Variants in AK5 observed in about 807,000 individuals in gnomAD.
AK5 encodes adenylate kinase isoenzyme 5.
AK5 carries 27 observed loss-of-function variants against 69.5 expected under a neutral mutation model. That is an observed-to-expected ratio of 0.39 (90% confidence interval 0.29 to 0.54). The LOEUF (loss-of-function observed/expected upper bound fraction) is 0.54, where lower values mean the gene tolerates loss of function less well. Ranked by LOEUF, AK5 falls within the 20% of genes least tolerant of loss-of-function variation. The pLI is 0.71. For synonymous variants in AK5, 260 were observed against 244.4 expected, an observed-to-expected ratio of 1.06 and a Z score of -0.60; for missense variants, 531 against 700.4, an observed-to-expected ratio of 0.76 and a Z score of 2.73.
At chr1:77,312,634 A>C (rs1228126460) in intron 5 of AK5, among the ~76,000 whole-genome samples, 1 of 151,844 alleles carries the variant, frequency 6.6e-6, no homozygotes, top group African/African-American at 2.4e-5. Context: ...AAAAAACAAA[A>C]AGTCCCTTAA....
At chr1:77,558,531 G>A (rs1570366338) in intron 13 of AK5, 71 bp from the exon 14 acceptor site, 1 of 975,282 alleles carries the variant, frequency 1.0e-6, no homozygotes, top group Non-Finnish European at 1.6e-6. Flanking sequence ...GCAAGTGATA[G>A]TGTTCTTTCA....
intron 6 of AK5, 88 bp downstream of exon 6, chr1:77,340,656 T>G: frequency 7.7e-7 from 1 of 1,290,392 alleles, no homozygotes; most frequent in Non-Finnish European, 1.1e-6. Flanking sequence ...AAATCCTCTT[T>G]ACCTTAAAAA....
At chr1:77,495,433 C>T (rs572583414) in intron 10 of AK5, among the ~76,000 whole-genome samples, 24 of 152,256 alleles carry the variant, frequency 1.6e-4, no homozygotes, top group African/African-American at 5.3e-4. Context: ...AGGTCAAATA[C>T]GATAGCAAGT....
intron 6 of AK5, among the ~76,000 whole-genome samples, chr1:77,378,894 A>G (rs894438221): frequency 3.9e-5 from 6 of 152,192 alleles, no homozygotes; most frequent in Admixed American, 1.3e-4. Flanking sequence ...AAGAGGTAAA[A>G]TAAACAGTAT....
intron 8 of AK5, among the ~76,000 whole-genome samples, chr1:77,438,793 G>A (rs761235219): frequency 1.3e-5 from 2 of 152,080 alleles, no homozygotes; most frequent in African/African-American, 4.8e-5. Flanking sequence ...CAAAGTACAC[G>A]TTCTATAAAA....
At chr1:77,329,992 A>G (rs762070330) in intron 5 of AK5, among the ~76,000 whole-genome samples, 1 of 152,226 alleles carries the variant, frequency 6.6e-6, no homozygotes, top group Non-Finnish European at 1.5e-5. Context: ...AAAGATGAGC[A>G]GCAGACAGAA....
intron 8 of AK5, among the ~76,000 whole-genome samples, chr1:77,457,994 C>G (rs1653601472): frequency 6.6e-6 from 1 of 151,348 alleles, no homozygotes; most frequent in African/African-American, 2.4e-5. Flanking sequence ...CCCAGCTACT[C>G]AAGAGGCTGA....
At chr1:77,345,686 T>C (rs1453085920) in intron 6 of AK5, among the ~76,000 whole-genome samples, 1 of 152,224 alleles carries the variant, frequency 6.6e-6, no homozygotes, top group Admixed American at 6.5e-5. Flanking sequence ...CATTGTTTAT[T>C]ACCAGACATT....
chr1:77,408,208 C>G (rs1649786680), intron 6 of AK5, among the ~76,000 whole-genome samples: 1 of 152,166 alleles, frequency 6.6e-6, no homozygotes, highest in Non-Finnish European at 1.5e-5. Context: ...GAGAAATCTC[C>G]AAACTGCATT....
chr1:77,503,455 A>T (rs1344169935), intron 10 of AK5, among the ~76,000 whole-genome samples: 1 of 152,194 alleles, frequency 6.6e-6, no homozygotes, highest in Non-Finnish European at 1.5e-5. Flanking sequence ...AGTTTTTTCC[A>T]TGCTTTTGGA....
At chr1:77,536,422 C>T (rs1190095607) in intron 13 of AK5, among the ~76,000 whole-genome samples, 6 of 152,174 alleles carry the variant, frequency 3.9e-5, no homozygotes, top group African/African-American at 1.2e-4. Context: ...CCACTACACT[C>T]CAGCCTGGGC....
At chr1:77,396,773 A>G (rs1648858922) in intron 6 of AK5, among the ~76,000 whole-genome samples, 1 of 152,240 alleles carries the variant, frequency 6.6e-6, no homozygotes, top group African/African-American at 2.4e-5. Flanking sequence ...CTTATCCAAG[A>G]TGTGTTCTTC....
At chr1:77,340,644 A>G in intron 6 of AK5, 76 bp downstream of exon 6, 1 of 1,397,498 alleles carries the variant, frequency 7.2e-7, no homozygotes, top group South Asian at 1.4e-5. Context: ...GTTCTCATGT[A>G]GAAATCCTCT....
intron 10 of AK5, among the ~76,000 whole-genome samples, chr1:77,517,708 GGTA>G (rs1657744309): frequency 1.3e-5 from 2 of 152,134 alleles, no homozygotes; most frequent in South Asian, 4.2e-4. Context: ...AAAAAAATAA[GGTA>G]ATAAAACATA....
chr1:77,368,245 A>ATATATGT (rs1553140335), intron 6 of AK5, among the ~76,000 whole-genome samples: 4 of 67,906 alleles, frequency 5.9e-5, no homozygotes, highest in Admixed American at 2.2e-4. Context: ...ATATATATAT[A>ATATATGT]TATATATAAT....
chr1:77,455,751 G>C (rs569849803), intron 8 of AK5, among the ~76,000 whole-genome samples: 1 of 152,232 alleles, frequency 6.6e-6, no homozygotes, highest in South Asian at 2.1e-4. Flanking sequence ...CACCGGGTGA[G>C]CTGTAAAACC....
intron 6 of AK5, among the ~76,000 whole-genome samples, chr1:77,393,424 A>G (rs1428392706): frequency 6.6e-6 from 1 of 152,174 alleles, no homozygotes; most frequent in African/African-American, 2.4e-5. Context: ...ATTTGTTGCT[A>G]TTGTGGCTTT....
chr1:77,531,673 C>T (rs1181608916), intron 12 of AK5, among the ~76,000 whole-genome samples: 1 of 152,174 alleles, frequency 6.6e-6, no homozygotes, highest in Non-Finnish European at 1.5e-5. Flanking sequence ...TCCAAGTCCC[C>T]ACCAGACTCA....
chr1:77,376,665 GCA>G (rs929196966), intron 6 of AK5, among the ~76,000 whole-genome samples: 1 of 152,134 alleles, frequency 6.6e-6, no homozygotes, highest in Non-Finnish European at 1.5e-5. Context: ...GTCTGGCCAG[GCA>G]CAGTGGCTCA....
Sources: allele counts gnomAD v4.1 joint callset (sites outside exome capture counted in the v4.1 genomes callset), GRCh38; gene constraint gnomAD v4.1.1; transcripts MANE v1.5; gene names NCBI Gene and HGNC (gene_info 2026-07-23, HGNC 2026-07-21).